Variants in TNR observed in about 807,000 individuals in gnomAD.
TNR encodes the protein tenascin R, also known as tenascin-R.
In TNR, 45 loss-of-function variants were observed where a neutral mutation model predicts 150.4. The ratio of observed to expected loss-of-function variants is 0.30; its 90% CI spans 0.24 to 0.38. TNR has a LOEUF of 0.38. Among genes scored for constraint, TNR ranks in the 10% least tolerant of loss-of-function variants. TNR has a pLI of 1.00. For synonymous variants in TNR, 687 were observed against 678.4 expected, an observed-to-expected ratio of 1.01 and a Z score of -0.20; for missense variants, 1,544 against 1,759.1, an observed-to-expected ratio of 0.88 and a Z score of 2.19.
At chr1:175,635,227 G>T (rs905787999) in intron 1 of TNR, among the ~76,000 whole-genome samples, 3 of 152,204 alleles carry the variant, frequency 2.0e-5, no homozygotes, top group Non-Finnish European at 4.4e-5. Flanking sequence ...TTGCACCTGG[G>T]CATATCTGGA....
chr1:175,403,576 G>A lies in TNR; in HGVS notation c.540C>T (p.Asn180=). ...TGCAGCCACAGGACTCAAAGCTAAA[G>A]TTGCCGTGGCCACTGCAGTGAGGGA... The part of the protein sequence containing the change: ...DYIPHCSGHG[N]FSFESCGCIC... The change falls in exon 4 of 23, where the codon AAC becomes AAT. Residue 180 remains asparagine (N), a synonymous_variant. Transcript: ENST00000367674. 1 of 1,614,100 alleles carries A rather than the reference G, an allele frequency of 6.2e-7. No individual in the cohort carries two copies. The highest frequency in any genetic ancestry group is 8.5e-7 in the Non-Finnish European group (1 of 1,180,014).
intron 1 of TNR, among the ~76,000 whole-genome samples, chr1:175,641,379 T>A (rs1470117406): frequency 6.6e-6 from 1 of 152,212 alleles, no homozygotes; most frequent in African/African-American, 2.4e-5. Flanking sequence ...GTTTGCATTG[T>A]TCATAAGATA....
At chr1:175,579,487 G>T (rs1047784790) in intron 1 of TNR, among the ~76,000 whole-genome samples, 1 of 151,854 alleles carries the variant, frequency 6.6e-6, no homozygotes, top group Non-Finnish European at 1.5e-5. Context: ...AAAATGAAGG[G>T]CACATTTGGG....
intron 2 of TNR, among the ~76,000 whole-genome samples, chr1:175,435,326 G>A (rs938529447): frequency 2.0e-5 from 3 of 152,216 alleles, no homozygotes; most frequent in African/African-American, 4.8e-5. Context: ...CTGATGGATT[G>A]ATAGTTGGTG....
At chr1:175,668,739 C>G (rs540719557) in intron 1 of TNR, among the ~76,000 whole-genome samples, 53 of 152,320 alleles carry the variant, frequency 3.5e-4, no homozygotes, top group Non-Finnish European at 1.0e-4. Flanking sequence ...ATCTCAAGAG[C>G]TCTACAAAGA....
rs145247284 is a variant in TNR, at chr1:175,612,480, G to A, written c.-164-84111C>T. ...TTTCAGAAATGCCCTGCAGGGACAG[G>A]CATCAGTCAATGGGTCAGGCCTCCA... On this transcript the variant is annotated intron_variant, in intron 1 of 22. Coordinates refer to ENST00000367674, the MANE Select transcript of TNR (RefSeq NM_003285.3). 2.0e-5 allele frequency among the ~76,000 whole-genome samples: 3 copies of A among 152,254 alleles called. No individual in the cohort carries two copies. The East Asian group carries it at 5.8e-4, about 29-fold the overall frequency.
intron 1 of TNR, among the ~76,000 whole-genome samples, chr1:175,701,756 A>G (rs1176144292): frequency 2.0e-5 from 3 of 152,190 alleles, no homozygotes; most frequent in Non-Finnish European, 2.9e-5. Context: ...CACTCCAGAG[A>G]GTTGGAGGAG....
At chr1:175,652,239 G>A (rs897186637) in intron 1 of TNR, among the ~76,000 whole-genome samples, 1 of 148,730 alleles carries the variant, frequency 6.7e-6, no homozygotes, top group Admixed American at 6.7e-5. Flanking sequence ...GAACATATTT[G>A]TCACCTCGAG....
rs139738989 is a variant in TNR at position 175,590,675 on chromosome 1, G to A, written c.-164-62306C>T. Reference sequence around the variant, plus strand: ...GGGTGGCCAGCAGTGAGGAGGGGAAGGGCATTCTAGGCCAAAGGACAGCGT... The same window carrying A: ...GGGTGGCCAGCAGTGAGGAGGGGAAAGGCATTCTAGGCCAAAGGACAGCGT... On this transcript the variant is annotated intron_variant, in intron 1 of 22. Transcript: ENST00000367674. Among the ~76,000 whole-genome samples, 98 of 152,332 alleles carry A rather than the reference G, an allele frequency of 6.4e-4. 1 individual carries two copies. The highest frequency in any genetic ancestry group is 2.3e-3 in the African/African-American group (95 of 41,572).
At chr1:175,680,677 G>A (rs1666007016) in intron 1 of TNR, among the ~76,000 whole-genome samples, 1 of 152,090 alleles carries the variant, frequency 6.6e-6, no homozygotes, top group Non-Finnish European at 1.5e-5. Flanking sequence ...GTACAAAAGA[G>A]GTGCAATAAG....
chr1:175,602,335 T>C (rs1257786727), intron 1 of TNR, among the ~76,000 whole-genome samples: 1 of 151,922 alleles, frequency 6.6e-6, no homozygotes, highest in Non-Finnish European at 1.5e-5. Context: ...ACAGATTCCC[T>C]GGCTCCATTC....
rs186472555 is a variant in TNR, at chr1:175,430,115, T to G, written c.-63-23338A>C. Among the ~76,000 whole-genome samples, 803 of 151,654 alleles carry G rather than the reference T, an allele frequency of 5.3e-3. 10 individuals carry two copies. The highest frequency in any genetic ancestry group is 0.018 in the African/African-American group (727 of 41,436). The stretch of plus-strand genomic sequence containing the variant: ...ATAATGATATTATATCTATTATCAT[T>G]TAGTGGTGAAAAATGTGGCAGTACT... On this transcript the variant is annotated intron_variant, in intron 2 of 22. Coordinates refer to ENST00000367674, the MANE Select transcript of TNR (RefSeq NM_003285.3).
rs910113899 is a variant in TNR at position 175,721,781 on chromosome 1, G to T, written c.-165+21445C>A. On this transcript the variant is annotated intron_variant, in intron 1 of 22. Transcript: ENST00000367674. ...AGTGAAGAGCAAGTTCTTCCCAGAG[G>T]GCGACACCTGCTCTCATCCTGCGCA... 6.6e-5 allele frequency among the ~76,000 whole-genome samples: 10 copies of T among 151,886 alleles called. No individual in the cohort carries two copies. The East Asian group carries it at 1.7e-3, about 26-fold the overall frequency.
chr1:175,354,987 A>C (rs971206154), intron 17 of TNR, among the ~76,000 whole-genome samples: 6 of 152,360 alleles, frequency 3.9e-5, no homozygotes, highest in South Asian at 2.1e-4. Context: ...TCAACTGATG[A>C]AATAAAACAA....
intron 1 of TNR, among the ~76,000 whole-genome samples, chr1:175,640,367 C>A (rs781781426): frequency 1.3e-5 from 2 of 152,142 alleles, no homozygotes; most frequent in African/African-American, 4.8e-5. Context: ...AGTATTTGGA[C>A]GTCTGTCTGG....
intron 2 of TNR, among the ~76,000 whole-genome samples, chr1:175,450,498 C>T (rs961243523): frequency 6.6e-6 from 1 of 152,248 alleles, no homozygotes; most frequent in Non-Finnish European, 1.5e-5. Flanking sequence ...CTGCTCTGGG[C>T]TCCCAAAGTG....
intron 20 of TNR, 59 bp downstream of exon 20, chr1:175,335,652 A>G (rs2101990559): frequency 2.7e-6 from 4 of 1,504,478 alleles, no homozygotes; most frequent in Non-Finnish European, 3.7e-6. Flanking sequence ...CACAAAAAGG[A>G]GAGAGATGGA....
intron 18 of TNR, among the ~76,000 whole-genome samples, chr1:175,351,399 G>A (rs1260853562): frequency 1.3e-5 from 2 of 152,162 alleles, no homozygotes; most frequent in African/African-American, 4.8e-5. Context: ...AATTTGCATT[G>A]AGGTGGCTGA....
intron 1 of TNR, among the ~76,000 whole-genome samples, chr1:175,597,005 T>G (rs1464908453): frequency 3.9e-5 from 6 of 152,166 alleles, no homozygotes; most frequent in Non-Finnish European, 5.9e-5. Context: ...AAATAGAAGA[T>G]TATAATGGAA....
Sources: allele counts gnomAD v4.1 joint callset (sites outside exome capture counted in the v4.1 genomes callset), GRCh38; gene constraint gnomAD v4.1.1; transcripts MANE v1.5; gene names NCBI Gene and HGNC (gene_info 2026-07-23, HGNC 2026-07-21).